FGF14: variants seen among roughly 807,000 people sequenced by gnomAD.
The protein encoded by FGF14 is fibroblast growth factor homologous factor 4.
FGF14 carries 5 observed loss-of-function variants against 25.5 expected under a neutral mutation model. The observed-to-expected ratio is 0.20, with a 90% CI of 0.10 to 0.41. The LOEUF is 0.41. Ranked by LOEUF, FGF14 falls within the 10% of genes least tolerant of loss-of-function variation. FGF14 has a pLI of 1.00. For synonymous variants in FGF14, 138 were observed against 118.3 expected (o/e 1.17, Z -1.08); for missense variants, 222 against 320.1 (o/e 0.69, Z 2.34).
intron 1 of FGF14, among the ~76,000 whole-genome samples, chr13:102,075,658 C>T (rs1453680348): frequency 6.6e-6 from 1 of 152,154 alleles, no homozygotes; most frequent in Non-Finnish European, 1.5e-5. Flanking sequence ...GTACTCCTAA[C>T]TATAATAGAC....
intron 3 of FGF14, among the ~76,000 whole-genome samples, chr13:101,845,614 G>A (rs1424103900): frequency 6.6e-6 from 1 of 151,998 alleles, no homozygotes; most frequent in East Asian, 1.9e-4. Context: ...GAGACAGAAA[G>A]AGAAGGTGAC....
chr13:101,855,203 A>C (rs1023378928), intron 3 of FGF14, among the ~76,000 whole-genome samples: 1 of 152,060 alleles, frequency 6.6e-6, no homozygotes, highest in African/African-American at 2.4e-5. Context: ...TTCTTAATAC[A>C]TTAACAGTGA....
chr13:101,830,291 G>C (rs1043078056), intron 3 of FGF14, among the ~76,000 whole-genome samples: 1 of 151,994 alleles, frequency 6.6e-6, no homozygotes, highest in African/African-American at 2.4e-5. Flanking sequence ...AGGAGGCAGT[G>C]ATAATAGAGA....
intron 3 of FGF14, among the ~76,000 whole-genome samples, chr13:101,863,274 C>T (rs970612627): frequency 2.0e-5 from 3 of 152,082 alleles, no homozygotes; most frequent in Non-Finnish European, 4.4e-5. Flanking sequence ...ACTAGATGAA[C>T]TTGGTATAGC....
intron 3 of FGF14, chr13:101,801,969 AC>A: frequency 2.1e-6 from 1 of 478,808 alleles, no homozygotes; most frequent in South Asian, 1.5e-5. Context: ...AAAAAGAAAA[AC>A]CCAGAGGTCC....
At chr13:101,867,592 C>T (rs1223248248) in intron 3 of FGF14, among the ~76,000 whole-genome samples, 4 of 152,018 alleles carry the variant, frequency 2.6e-5, no homozygotes, top group African/African-American at 9.7e-5. Context: ...AGAAAGTAAT[C>T]CTTTTCGTAT....
intron 1 of FGF14, among the ~76,000 whole-genome samples, chr13:102,119,351 A>T (rs1437342011): frequency 6.6e-6 from 1 of 152,184 alleles, no homozygotes. Flanking sequence ...GAGGGTAACT[A>T]GGGAGATTGT....
chr13:102,249,195 A>G (rs926090964), intron 1 of FGF14, among the ~76,000 whole-genome samples: 1 of 152,128 alleles, frequency 6.6e-6, no homozygotes, highest in Non-Finnish European at 1.5e-5. Flanking sequence ...TGATAGAAAG[A>G]TTTACCAAGG....
intron 1 of FGF14, among the ~76,000 whole-genome samples, chr13:101,922,989 T>C (rs1055784514): frequency 6.6e-6 from 1 of 152,108 alleles, no homozygotes; most frequent in African/African-American, 2.4e-5. Context: ...ATTTCGCCTT[T>C]CCTAAATTTG....
At chr13:102,190,713 G>A (rs756727247) in intron 1 of FGF14, among the ~76,000 whole-genome samples, 3 of 152,260 alleles carry the variant, frequency 2.0e-5, no homozygotes, top group Middle Eastern at 3.4e-3. Flanking sequence ...TGGGGACATT[G>A]CAAGAATGCT....
At chr13:101,886,988 A>G (rs145047482) in intron 1 of FGF14, among the ~76,000 whole-genome samples, 15 of 152,274 alleles carry the variant, frequency 9.9e-5, no homozygotes, top group African/African-American at 2.6e-4. Context: ...CAAAGCCACA[A>G]TGAGATACTA....
intron 3 of FGF14, among the ~76,000 whole-genome samples, chr13:101,812,634 TATATATATATATATATA>T (rs2041602650): frequency 7.4e-4 from 10 of 13,584 alleles, no homozygotes; most frequent in South Asian, 1.8e-3. Context: ...TATATATATA[TATATATATATATATATA>T]TATTTTTTTT....
At chr13:102,345,948 GACA>G (rs2057093455) in intron 1 of FGF14, among the ~76,000 whole-genome samples, 1 of 152,058 alleles carries the variant, frequency 6.6e-6, no homozygotes, top group Non-Finnish European at 1.5e-5. Flanking sequence ...ATATCCCTAG[GACA>G]ACAATGGGGA....
At position 101,721,322 on chromosome 13, in the gene FGF14, A is replaced by AGTT. The variant is rs1250414353; in HGVS notation, c.*1506_*1508dup. The AGTT allele has an allele frequency of 1.3e-5, 2 of 152,190 alleles. No homozygotes were observed. The highest frequency in any genetic ancestry group is 2.4e-5 in the African/African-American group (1 of 41,448). 9.4% of individuals were successfully genotyped at this position (152,190 alleles called of 1,614,324 possible). ...TCAACTGTTCCTGGCCTTTCTTGGT[A>AGTT]GTTGTCTTCCCTAAGCTCAAACAAA... On this transcript the variant is annotated 3_prime_UTR_variant, in exon 5 of 5. Coordinates refer to ENST00000376143, the MANE Select transcript of FGF14 (RefSeq NM_004115.4).
intron 1 of FGF14, among the ~76,000 whole-genome samples, chr13:102,208,002 T>A (rs1316799675): frequency 1.3e-5 from 2 of 152,162 alleles, no homozygotes; most frequent in African/African-American, 4.8e-5. Flanking sequence ...TTTTCTGTAA[T>A]TTTCTCTAGG....
intron 3 of FGF14, among the ~76,000 whole-genome samples, chr13:101,770,301 G>A (rs2038692025): frequency 6.6e-6 from 1 of 151,956 alleles, no homozygotes; most frequent in Admixed American, 6.6e-5. Context: ...ATTCCCTCAT[G>A]TTTGCTATAT....
intron 1 of FGF14, among the ~76,000 whole-genome samples, chr13:102,290,083 A>G (rs1350936431): frequency 6.6e-6 from 1 of 152,232 alleles, no homozygotes; most frequent in Non-Finnish European, 1.5e-5. Context: ...TCAGTTGAGT[A>G]ACTCAAATGG....
At chr13:101,944,278 G>A (rs1390230315) in intron 1 of FGF14, among the ~76,000 whole-genome samples, 1 of 152,240 alleles carries the variant, frequency 6.6e-6, no homozygotes, top group Non-Finnish European at 1.5e-5. Context: ...GTAATGCAAA[G>A]ATTATATCAT....
At chr13:102,270,573 G>A (rs2053197439) in intron 1 of FGF14, among the ~76,000 whole-genome samples, 3 of 152,154 alleles carry the variant, frequency 2.0e-5, no homozygotes, top group African/African-American at 2.4e-5. Context: ...TTGTCAACCT[G>A]CTTGCCAAGA....
Sources: gnomAD v4.1 joint callset for allele counts (sites outside exome capture counted in the v4.1 genomes callset) on GRCh38, gnomAD v4.1.1 for gene constraint, MANE v1.5 for transcripts, NCBI Gene and HGNC (gene_info 2026-07-23, HGNC 2026-07-21) for gene names.